BNIP2: variants seen among roughly 807,000 people sequenced by gnomAD.
BNIP2 encodes the protein BCL2 interacting protein 2.
Under a neutral mutation model 43.4 loss-of-function variants are expected in BNIP2, and 36 were observed. That is an observed-to-expected ratio of 0.83 (90% CI 0.64 to 1.10). The LOEUF (loss-of-function observed/expected upper bound fraction) is 1.10. Among genes scored for constraint, BNIP2 ranks in the 50% least tolerant of loss-of-function variants. The pLI, the probability that BNIP2 is intolerant of heterozygous loss-of-function variation, is 0.00. For synonymous variants in BNIP2, 146 were observed against 121.0 expected (o/e 1.21, Z -1.35); for missense variants, 417 against 374.1 (o/e 1.11, Z -0.95).
intron 2 of BNIP2, 150 bp downstream of exon 2, chr15:59,682,258 C>T (rs1178168789): frequency 3.5e-6 from 2 of 571,010 alleles, no homozygotes; most frequent in Non-Finnish European, 6.0e-6. Context: ...ATCCAGGAGG[C>T]GGAGGTTGCA....
chr15:59,671,013 C>T lies in BNIP2; in HGVS notation c.707+170G>A, dbSNP rs575434571. 1.3e-3 allele frequency among the ~76,000 whole-genome samples: 199 copies of T among 148,224 alleles called. 1 individual carries two copies. The highest frequency in any genetic ancestry group is 4.5e-3 in the African/African-American group (178 of 39,946). ...GCTTGAACCTGGGAGGTGGAGGTTG[C>T]GGTGAACCGAGATTGTGCCATTGCA... On this transcript the variant is annotated intron_variant, in intron 7 of 9. Transcript: ENST00000607373.
In BNIP2 at chr15:59,678,586, G is replaced by A. The variant is rs1893459234; in HGVS notation, c.296-499C>T. 1.2e-5 allele frequency: 13 copies of A among 1,114,864 alleles called. No homozygotes were observed. In the South Asian group the frequency reaches 2.7e-4, roughly 23 times the overall value. The allele number at this position is 1,114,864 out of a possible 1,614,324, so 69.1% of individuals were successfully genotyped here. ...TTGATCAGTTTTATAAAGCAGAAAT[G>A]TATTTATAATACTTTGAAGTATACA... On this transcript the variant is annotated intron_variant, in intron 4 of 9. Coordinates refer to ENST00000607373, the MANE Select transcript of BNIP2 (RefSeq NM_004330.4).
chr15:59,667,018 A>C (rs1159071975), intron 9 of BNIP2, among the ~76,000 whole-genome samples: 6 of 152,236 alleles, frequency 3.9e-5, no homozygotes, highest in Non-Finnish European at 8.8e-5. Context: ...GCTGGCTTCA[A>C]AATATTCTAC....
chr15:59,685,363 T>G (rs1893944894), intron 1 of BNIP2, among the ~76,000 whole-genome samples: 1 of 151,992 alleles, frequency 6.6e-6, no homozygotes, highest in African/African-American at 2.4e-5. Flanking sequence ...CAGCCAGGCG[T>G]GGTGGCGCCT....
chr15:59,671,010 T>C (rs1260682553), intron 7 of BNIP2, among the ~76,000 whole-genome samples, 173 bp downstream of exon 7: 1 of 151,262 alleles, frequency 6.6e-6, no homozygotes, highest in South Asian at 2.1e-4. Flanking sequence ...GAGGTGGAGG[T>C]TGCGGTGAAC....
At position 59,663,308 on chromosome 15, in the gene BNIP2, C is replaced by CCATATATA. The variant is rs1282216943; in HGVS notation, c.*753_*760dup. On this transcript the variant is annotated 3_prime_UTR_variant, in exon 10 of 10. Transcript: ENST00000607373. Reference sequence around the variant, plus strand: ...ACTTTGGGCCAGAAGATAAAATGTCCCATATATACATATATACAAACCCTA... The same window carrying CCATATATA: ...ACTTTGGGCCAGAAGATAAAATGTCCCATATATACATATATACATATATACAAACCCTA... 1 of 152,234 alleles carries CCATATATA rather than the reference C, an allele frequency of 6.6e-6. No homozygotes were observed. Among genetic ancestry groups the CCATATATA allele is most frequent in the African/African-American group, 2.4e-5 (1 of 41,424 alleles). The allele number at this position is 152,234 out of a possible 1,614,324, so 9.4% of individuals were successfully genotyped here. A position where few individuals can be genotyped will look rare whatever the true frequency, so the allele number is the denominator to read the frequency against.
At chr15:59,677,242 G>C (rs558377193) in intron 5 of BNIP2, 4 of 1,596,290 alleles carry the variant, frequency 2.5e-6, no homozygotes, top group Non-Finnish European at 3.4e-6. Context: ...GCCAAGCCCC[G>C]GCTGGACTGC....
chr15:59,670,513 C>A (rs1267573085), intron 7 of BNIP2, among the ~76,000 whole-genome samples: 1 of 152,156 alleles, frequency 6.6e-6, no homozygotes, highest in Admixed American at 6.5e-5. Context: ...AGGAAACATA[C>A]TACATTCTCC....
chr15:59,683,226 T>TG (rs58690833), intron 1 of BNIP2, among the ~76,000 whole-genome samples: 152,349 of 152,350 alleles, frequency 1, 76,174 homozygotes, highest in Non-Finnish European at 1. Flanking sequence ...ATCACGTGAG[T>TG]CCAATATCCT....
chr15:59,679,997 T>C (rs1249320062), intron 3 of BNIP2, among the ~76,000 whole-genome samples: 3 of 152,176 alleles, frequency 2.0e-5, no homozygotes, highest in African/African-American at 7.2e-5. Context: ...ACCTTATAGA[T>C]ACCTCTTACC....
In BNIP2 at chr15:59,680,268, C is replaced by G. The variant is rs1893581134; in HGVS notation, c.91G>C (p.Ala31Pro). Residue 31 changes from alanine (A) to proline (P), a missense_variant, in exon 3 of 10, where the codon GCT (alanine) becomes CCT (proline). Physicochemically the swap from Ala to Pro is conservative, Grantham distance 27 (BLOSUM62 -1). Coordinates refer to ENST00000607373, the MANE Select transcript of BNIP2 (RefSeq NM_004330.4). ...GGCTGGTCCTCTGGTCCAGTTATAG[C>G]TAGTATATCTGCTTCAATACTATCA... ...EDDSIEADIL[A>P]ITGPEDQPGS... 2 of 1,601,844 alleles carry G rather than the reference C, an allele frequency of 1.2e-6. No individual in the cohort carries two copies. The highest frequency in any genetic ancestry group is 1.7e-6 in the Non-Finnish European group (2 of 1,173,232).
intron 7 of BNIP2, among the ~76,000 whole-genome samples, chr15:59,669,821 A>C (rs1207884752): frequency 6.6e-6 from 1 of 152,220 alleles, no homozygotes; most frequent in African/African-American, 2.4e-5. Flanking sequence ...CCTATTCTTA[A>C]GGAATTTAAA....
At chr15:59,686,581 C>A (rs1360547110) in intron 1 of BNIP2, among the ~76,000 whole-genome samples, 3 of 152,122 alleles carry the variant, frequency 2.0e-5, no homozygotes, top group African/African-American at 7.2e-5. Flanking sequence ...AGGTTTCATT[C>A]TAAACATTTA....
chr15:59,678,912 A>C lies in BNIP2; in HGVS notation c.295+680T>G. On this transcript the variant is annotated intron_variant, in intron 4 of 9. Coordinates refer to ENST00000607373, the MANE Select transcript of BNIP2 (RefSeq NM_004330.4). ...TCAGTATCTTTACAAAGTATTGCTT[A>C]CTACTGGACTGTTTATTGAACCAGT... 6 of 1,235,100 alleles carry C rather than the reference A, an allele frequency of 4.9e-6. No homozygotes were observed. The South Asian group carries it at 8.2e-5, about 17-fold the overall frequency. 76.5% of individuals were successfully genotyped at this position (1,235,100 alleles called of 1,614,324 possible). A position where few individuals can be genotyped will look rare whatever the true frequency, so the allele number is the denominator to read the frequency against.
chr15:59,678,579 C>G (rs1460896514), intron 4 of BNIP2: 1 of 1,110,438 alleles, frequency 9.0e-7, no homozygotes, highest in Non-Finnish European at 1.1e-6. Context: ...TTTTATAAAG[C>G]AGAAATGTAT....
chr15:59,669,073 T>G, intron 8 of BNIP2, 83 bp from the exon 9 acceptor site: 1 of 1,280,884 alleles, frequency 7.8e-7, no homozygotes, highest in Non-Finnish European at 1.1e-6. Flanking sequence ...AAAAATCATG[T>G]CATTTTGAAT....
chr15:59,688,085 T>C lies in BNIP2; in HGVS notation c.-58+1050A>G, dbSNP rs191010081. Reference sequence around the variant, plus strand: ...TTCAAGTTCCGTTTGCAGAAGTGGATCTGTCATACTTCCGGTCTAAGCCCA... The same window carrying C: ...TTCAAGTTCCGTTTGCAGAAGTGGACCTGTCATACTTCCGGTCTAAGCCCA... On this transcript the variant is annotated intron_variant, in intron 1 of 9. Coordinates refer to ENST00000607373, the MANE Select transcript of BNIP2 (RefSeq NM_004330.4). 5.9e-5 allele frequency among the ~76,000 whole-genome samples: 9 copies of C among 152,336 alleles called. No individual in the cohort carries two copies. The East Asian group carries it at 1.7e-3, about 29-fold the overall frequency.
Position 59,659,713 on chromosome 15 carries a change from C to G in BNIP2, c.*4356G>C, listed in dbSNP as rs1325033435. 2 of 152,164 alleles carry G rather than the reference C, an allele frequency of 1.3e-5. No homozygotes were observed. Among genetic ancestry groups the G allele is most frequent in the Non-Finnish European group, 2.9e-5 (2 of 68,026 alleles). 9.4% of individuals were successfully genotyped at this position (152,164 alleles called of 1,614,324 possible). ...AAATTTCAAAATGCAAATATTTTAA[C>G]TTCTTGTTAAACATGATTCTAAGAC... On this transcript the variant is annotated 3_prime_UTR_variant, in exon 10 of 10. Coordinates refer to ENST00000607373, the MANE Select transcript of BNIP2 (RefSeq NM_004330.4).
At chr15:59,679,481 C>T in intron 4 of BNIP2, 111 bp downstream of exon 4, 1 of 1,259,384 alleles carries the variant, frequency 7.9e-7, no homozygotes, top group Non-Finnish European at 1.1e-6. Flanking sequence ...AGGGTTAGCA[C>T]AATTTCCTAT....
Sources: gnomAD v4.1 joint callset for allele counts (sites outside exome capture counted in the v4.1 genomes callset) on GRCh38, gnomAD v4.1.1 for gene constraint, MANE v1.5 for transcripts, NCBI Gene and HGNC (gene_info 2026-07-23, HGNC 2026-07-21) for gene names.